Variants in FHOD3 observed in about 807,000 individuals in gnomAD.
FHOD3 encodes the protein FH1/FH2 domain-containing protein 3.
In FHOD3, 90 loss-of-function variants were observed where a neutral mutation model predicts 173.0. The ratio of observed to expected loss-of-function variants is 0.52; its 90% CI spans 0.44 to 0.62. The LOEUF is 0.62. Among genes scored for constraint, FHOD3 ranks in the 20% least tolerant of loss-of-function variants. The probability of loss-of-function intolerance (pLI) is 0.00; values close to 1 mark genes in which losing one functional copy is unlikely to be tolerated. For synonymous variants in FHOD3, 828 were observed against 823.0 expected (o/e 1.01, Z -0.10); for missense variants, 1,945 against 2,034.7 (o/e 0.96, Z 0.85).
chr18:36,550,212 G>GTATA (rs747912952), intron 5 of FHOD3, among the ~76,000 whole-genome samples: 24 of 129,018 alleles, frequency 1.9e-4, no homozygotes, highest in African/African-American at 5.2e-4. Context: ...TATCACTTGT[G>GTATA]TATATATATA....
intron 7 of FHOD3, among the ~76,000 whole-genome samples, chr18:36,601,787 T>G (rs2031416448): frequency 6.6e-6 from 1 of 152,238 alleles, no homozygotes; most frequent in Non-Finnish European, 1.5e-5. Flanking sequence ...TTATTTCACT[T>G]CACTTCAAAT....
chr18:36,776,663 G>T (rs1724606143), intron 28 of FHOD3, among the ~76,000 whole-genome samples: 1 of 152,134 alleles, frequency 6.6e-6, no homozygotes, highest in African/African-American at 2.4e-5. Flanking sequence ...CGCTTTTCAG[G>T]GATACATCTG....
chr18:36,771,672 A>C (rs2043387487), intron 28 of FHOD3, among the ~76,000 whole-genome samples: 1 of 152,224 alleles, frequency 6.6e-6, no homozygotes, highest in Non-Finnish European at 1.5e-5. Flanking sequence ...ACATGGCAGG[A>C]ACCTGCGCAC....
intron 24 of FHOD3, among the ~76,000 whole-genome samples, chr18:36,751,060 C>T (rs900027262): frequency 6.6e-6 from 1 of 152,152 alleles, no homozygotes. Flanking sequence ...AATCTGTAAA[C>T]TGCTTTGGGC....
chr18:36,545,548 G>T (rs1353507681), intron 5 of FHOD3, among the ~76,000 whole-genome samples: 1 of 152,232 alleles, frequency 6.6e-6, no homozygotes, highest in Non-Finnish European at 1.5e-5. Context: ...TAACATGTCA[G>T]TGTTATCAGC....
At chr18:36,530,973 A>C (rs898320332) in intron 5 of FHOD3, among the ~76,000 whole-genome samples, 10 of 152,158 alleles carry the variant, frequency 6.6e-5, no homozygotes, top group Non-Finnish European at 1.5e-4. Context: ...GCCTATTTCC[A>C]CTGGTCCCCA....
At chr18:36,335,477 A>G (rs1259776638) in intron 1 of FHOD3, among the ~76,000 whole-genome samples, 1 of 150,370 alleles carries the variant, frequency 6.7e-6, no homozygotes, top group African/African-American at 2.5e-5. Flanking sequence ...CCTGGGCGAC[A>G]GAGCGAGACT....
chr18:36,763,346 G>A (rs895824448), intron 27 of FHOD3, among the ~76,000 whole-genome samples: 3 of 132,310 alleles, frequency 2.3e-5, no homozygotes, highest in Non-Finnish European at 3.1e-5. Context: ...TACAATATGC[G>A]TATTATACAC....
At chr18:36,759,886 G>A (rs1247021984) in intron 26 of FHOD3, among the ~76,000 whole-genome samples, 1 of 152,216 alleles carries the variant, frequency 6.6e-6, no homozygotes, top group Non-Finnish European at 1.5e-5. Context: ...TCGGCATTGT[G>A]TACGTATGGT....
At chr18:36,579,024 G>A (rs1336890102) in intron 6 of FHOD3, among the ~76,000 whole-genome samples, 1 of 152,176 alleles carries the variant, frequency 6.6e-6, no homozygotes, top group African/African-American at 2.4e-5. Flanking sequence ...AGGTGACCTT[G>A]GACACTGAGT....
At chr18:36,692,258 G>A (rs775262135) in intron 16 of FHOD3, among the ~76,000 whole-genome samples, 7 of 152,232 alleles carry the variant, frequency 4.6e-5, no homozygotes, top group Non-Finnish European at 8.8e-5. Context: ...GGAACACCAT[G>A]TCTAATGCCC....
intron 14 of FHOD3, among the ~76,000 whole-genome samples, chr18:36,664,127 T>C (rs2036994538): frequency 6.6e-6 from 1 of 152,182 alleles, no homozygotes; most frequent in Non-Finnish European, 1.5e-5. Context: ...CATTGTGCAA[T>C]GGGGTTCTAG....
intron 19 of FHOD3, among the ~76,000 whole-genome samples, chr18:36,721,741 G>A (rs1293367654): frequency 1.3e-5 from 2 of 152,154 alleles, no homozygotes; most frequent in Non-Finnish European, 2.9e-5. Context: ...TTTCATTTCT[G>A]TTTCTAATCC....
At chr18:36,515,464 G>T (rs576093158) in intron 5 of FHOD3, among the ~76,000 whole-genome samples, 23 of 152,212 alleles carry the variant, frequency 1.5e-4, no homozygotes, top group African/African-American at 5.3e-4. Context: ...GTGATCACCC[G>T]CCTCTGCCTC....
chr18:36,457,876 T>C (rs1467217873), intron 3 of FHOD3, among the ~76,000 whole-genome samples: 3 of 152,206 alleles, frequency 2.0e-5, no homozygotes. Context: ...AGTAGACTAA[T>C]TATAGCCTCA....
At chr18:36,762,750 G>A (rs2042934000) in intron 27 of FHOD3, among the ~76,000 whole-genome samples, 1 of 150,918 alleles carries the variant, frequency 6.6e-6, no homozygotes, top group South Asian at 2.1e-4. Flanking sequence ...GAGCCAAGAT[G>A]GCGCCATTGC....
intron 5 of FHOD3, among the ~76,000 whole-genome samples, chr18:36,556,340 T>C (rs1341456200): frequency 6.6e-6 from 1 of 152,110 alleles, no homozygotes; most frequent in Non-Finnish European, 1.5e-5. Context: ...CCAACCAAAC[T>C]TGGATCAAAA....
chr18:36,747,135 G>A lies in FHOD3; in HGVS notation c.4232G>A (p.Arg1411Lys). The change falls in exon 24 of 29, where the codon AGA (arginine) becomes AAA (lysine). Residue 1411 changes from arginine (R) to lysine (K), a missense_variant and splice_region_variant. Physicochemically the swap from Arg to Lys is conservative, Grantham distance 26. This residue lies in a region of FHOD3 where 354 missense variants were observed against 359.9 expected (regional missense o/e 0.98). Coordinates refer to ENST00000590592, the MANE Select transcript of FHOD3 (RefSeq NM_001281740.3). ...LKIVHRRIIN[R>K]FHSFLLFMGH... ...ATTGTCCATAGAAGGATAATCAACAGGTAAGTGGATTGAGGAACTTATAGA... is the reference window on the plus strand; with the variant it reads ...ATTGTCCATAGAAGGATAATCAACAAGTAAGTGGATTGAGGAACTTATAGA... 6.2e-7 allele frequency: 1 copy of A among 1,601,354 alleles called. No individual in the cohort carries two copies. The highest frequency in any genetic ancestry group is 1.7e-4 in the Middle Eastern group (1 of 6,016).
intron 5 of FHOD3, among the ~76,000 whole-genome samples, chr18:36,530,715 C>T (rs2056746433): frequency 6.6e-6 from 1 of 152,204 alleles, no homozygotes; most frequent in African/African-American, 2.4e-5. Flanking sequence ...GTGATTTTCT[C>T]TAGGATTTAC....
Sources: gnomAD v4.1 joint callset for allele counts (sites outside exome capture counted in the v4.1 genomes callset) on GRCh38, gnomAD v4.1.1 for gene constraint, gnomAD v4.1.1 regional missense constraint, MANE v1.5 for transcripts, NCBI Gene and HGNC (gene_info 2026-07-23, HGNC 2026-07-21) for gene names.